The following DST variants were observed in gnomAD, a reference collection of about 807,000 sequenced individuals.
The protein encoded by DST is dystonin, also known as bullous pemphigoid antigen.
In DST, 253 loss-of-function variants were observed where a neutral mutation model predicts 875.2. The ratio of observed to expected loss-of-function variants is 0.29; its 90% CI spans 0.26 to 0.32. The LOEUF is 0.32. Among genes scored for constraint, DST ranks in the 10% least tolerant of loss-of-function variants. The pLI, the probability that DST is intolerant of heterozygous loss-of-function variation, is 1.00. For missense variants in DST, 8,287 were observed against 9,111.6 expected (o/e 0.91, Z 3.68); for synonymous variants, 3,124 against 3,197.1 (o/e 0.98, Z 0.77).
intron 4 of DST, among the ~76,000 whole-genome samples, chr6:56,847,842 A>G (rs910462142): frequency 9.2e-5 from 14 of 152,184 alleles, no homozygotes; most frequent in African/African-American, 3.1e-4. Context: ...ACATCCATTT[A>G]TCATATTAGA....
At position 56,954,417 on chromosome 6, in the gene DST, T is replaced by A. The variant is rs759210938; in HGVS notation, c.171A>T (p.Ser57=). ...HPMKSVFSGR[S]RSRDAVLRSH... is the part of the protein sequence containing the mutation. ...CGCGGCGTGTCTTACCTCGGCTTCT[T>A]GAACGACCCGAGAAGACCGATTTCA... The change falls in exon 1 of 104, where the codon TCA becomes TCT. Residue 57 remains serine (S), a synonymous_variant. Transcript: ENST00000680361. 3 of 1,366,982 alleles carry A rather than the reference T, an allele frequency of 2.2e-6. No homozygotes were observed. 84.7% of individuals were successfully genotyped at this position (1,366,982 alleles called of 1,614,324 possible).
At chr6:56,880,046 A>C (rs967210503) in intron 3 of DST, among the ~76,000 whole-genome samples, 3 of 152,262 alleles carry the variant, frequency 2.0e-5, no homozygotes. Flanking sequence ...CTTTCAAAAG[A>C]GTATCCAGAA....
chr6:56,783,948 T>G (rs2152995648), intron 4 of DST, among the ~76,000 whole-genome samples: 1 of 152,244 alleles, frequency 6.6e-6, no homozygotes, highest in African/African-American at 2.4e-5. Flanking sequence ...AGCATTTGCT[T>G]GTCTGTAAAG....
chr6:56,562,275 CAAACCCCATCA>C, intron 55 of DST, 75 bp from the exon 56 acceptor site: 1 of 967,304 alleles, frequency 1.0e-6, no homozygotes, highest in Non-Finnish European at 1.5e-6. Flanking sequence ...GGCATTAAAT[CAAACCCCATCA>C]ACAGTAATCA....
intron 5 of DST, among the ~76,000 whole-genome samples, chr6:56,716,919 C>T (rs570022732): frequency 3.3e-5 from 5 of 152,124 alleles, no homozygotes; most frequent in South Asian, 2.1e-4. Flanking sequence ...CGGTGGCTCA[C>T]GCCTGTAATC....
intron 88 of DST, chr6:56,484,658 A>C (rs928307694): frequency 2.6e-5 from 4 of 152,192 alleles, no homozygotes; most frequent in African/African-American, 9.7e-5. Context: ...GCTTTATATC[A>C]TTTGGTCATT....
At chr6:56,549,943 G>A (rs1339420676) in intron 61 of DST, among the ~76,000 whole-genome samples, 1 of 152,180 alleles carries the variant, frequency 6.6e-6, no homozygotes, top group Non-Finnish European at 1.5e-5. Context: ...CCTTGGACAA[G>A]TCACTTAACC....
chr6:56,603,152 C>G (rs996346006), intron 42 of DST, 53 bp downstream of exon 42: 2 of 1,553,412 alleles, frequency 1.3e-6, no homozygotes, highest in Admixed American at 1.9e-5. Context: ...TGACTAAATC[C>G]TCAAATAATA....
intron 4 of DST, among the ~76,000 whole-genome samples, chr6:56,735,556 T>TCACCATCACCACCAC (rs2099519895): frequency 6.6e-6 from 1 of 151,168 alleles, no homozygotes; most frequent in African/African-American, 2.5e-5. Flanking sequence ...TAACCCCTCA[T>TCACCATCACCACCAC]CACCACCACC....
chr6:56,872,828 C>G (rs1332660014), intron 3 of DST, among the ~76,000 whole-genome samples: 1 of 137,876 alleles, frequency 7.3e-6, no homozygotes, highest in South Asian at 2.3e-4. Flanking sequence ...TGATTCCCCC[C>G]CCCCTTTTTT....
At chr6:56,840,526 A>G (rs1194042655) in intron 4 of DST, among the ~76,000 whole-genome samples, 1 of 152,198 alleles carries the variant, frequency 6.6e-6, no homozygotes, top group Non-Finnish European at 1.5e-5. Flanking sequence ...TTTTACAAGT[A>G]ACAGGACTCG....
At chr6:56,596,319 G>T (rs1041969621) in intron 47 of DST, among the ~76,000 whole-genome samples, 1 of 152,020 alleles carries the variant, frequency 6.6e-6, no homozygotes, top group Non-Finnish European at 1.5e-5. Context: ...GAGCCACCAC[G>T]CCTGGCCCAG....
At chr6:56,846,595 T>C (rs950748298) in intron 4 of DST, among the ~76,000 whole-genome samples, 1 of 152,222 alleles carries the variant, frequency 6.6e-6, no homozygotes, top group Non-Finnish European at 1.5e-5. Context: ...CCCCTTTCCT[T>C]ATATTTCATT....
chr6:56,642,771 A>G lies in DST; in HGVS notation c.1779-268T>C, dbSNP rs1392922017. ...ACACAGAATCACTGCTACGGTAACT[A>G]TAACTACTACTGTGCATTTTTATTC... On this transcript the variant is annotated intron_variant, in intron 15 of 103. Coordinates refer to ENST00000680361, the MANE Select transcript of DST (RefSeq NM_001374736.1). 3.1e-6 allele frequency: 5 copies of G among 1,613,966 alleles called. No homozygotes were observed. The highest frequency in any genetic ancestry group is 3.3e-5 in the Admixed American group (2 of 59,992).
intron 10 of DST, among the ~76,000 whole-genome samples, chr6:56,666,737 CT>C (rs111274857): frequency 0.13 from 18,275 of 139,360 alleles, 2,444 homozygotes; most frequent in African/African-American, 0.36. Context: ...AAAAACTACT[CT>C]TTTTTTTTTT....
At position 56,597,941 on chromosome 6, in the gene DST, T is replaced by G. The variant is rs766567185; in HGVS notation, c.11994A>C (p.Ser3998=). ...CCCTTTCTGAGTCTTTGTCAACATT[T>G]GACAACCAGTCCAAAAGGTTTTCTA... is the stretch of plus-strand genomic sequence containing the variant. The part of the protein sequence containing the change: ...TKIENLLDWL[S]NVDKDSERAG... Residue 3998 remains serine (S), a synonymous_variant, in exon 47 of 104, where the codon TCA becomes TCC. Transcript: ENST00000680361. 18 of 1,613,550 alleles carry G rather than the reference T, an allele frequency of 1.1e-5. No homozygotes were observed. Among genetic ancestry groups the G allele is most frequent in the Non-Finnish European group, 1.4e-5 (17 of 1,179,712 alleles).
At position 56,620,822 on chromosome 6, in the gene DST, C is replaced by A. The variant is rs1052124323; in HGVS notation, c.4929+3708G>T. 7.9e-6 allele frequency: 8 copies of A among 1,016,134 alleles called. No individual in the cohort carries two copies. The African/African-American group carries it at 1.3e-4, about 16-fold the overall frequency. 62.9% of individuals were successfully genotyped at this position (1,016,134 alleles called of 1,614,324 possible). On this transcript the variant is annotated intron_variant, in intron 36 of 103. Transcript: ENST00000680361. ...TTACAAAACCAAGTGAACTCAAATG[C>A]AGAACAAGCGCTATCACCACCACCA...
chr6:56,498,163 A>G (rs981414311), intron 80 of DST, 110 bp from the exon 81 acceptor site: 4 of 1,085,096 alleles, frequency 3.7e-6, no homozygotes, highest in East Asian at 2.4e-5. Flanking sequence ...CAAAAACGTT[A>G]TATGTGTAGA....
At chr6:56,910,340 AAAGAGACAAGGTCTCAC>A (rs1261678046) in intron 2 of DST, among the ~76,000 whole-genome samples, 1 of 152,120 alleles carries the variant, frequency 6.6e-6, no homozygotes, top group East Asian at 1.9e-4. Flanking sequence ...TTAATATTTT[AAAGAGACAAGGTCTCAC>A]ATGTTGCCCA....
Sources: allele counts gnomAD v4.1 joint callset (sites outside exome capture counted in the v4.1 genomes callset), GRCh38; gene constraint gnomAD v4.1.1; transcripts MANE v1.5; gene names NCBI Gene and HGNC (gene_info 2026-07-23, HGNC 2026-07-21).